ERC1: variants seen among roughly 807,000 people sequenced by gnomAD.
ERC1 encodes the protein ELKS/RAB6-interacting/CAST family member 1, also known as RAB6 interacting protein 2.
Under a neutral mutation model 132.0 loss-of-function variants are expected in ERC1, and 56 were observed. The observed-to-expected ratio is 0.42, with a 90% CI of 0.34 to 0.53. The LOEUF (loss-of-function observed/expected upper bound fraction) is 0.53. ERC1 is among the 20% of genes least tolerant of loss of function. ERC1 has a pLI of 0.03. For missense variants in ERC1, 1,202 were observed against 1,349.9 expected (o/e 0.89, Z 1.72); for synonymous variants, 478 against 476.1 (o/e 1.00, Z -0.05).
At chr12:1,126,423 C>T (rs1342784325) in intron 7 of ERC1, among the ~76,000 whole-genome samples, 1 of 151,954 alleles carries the variant, frequency 6.6e-6, no homozygotes, top group East Asian at 1.9e-4. Context: ...ACTGACATAC[C>T]ATATGGAGAA....
intron 17 of ERC1, among the ~76,000 whole-genome samples, chr12:1,438,954 A>AAAAAATATATATATATAT (rs1015181197): frequency 7.0e-6 from 1 of 143,490 alleles, no homozygotes; most frequent in African/African-American, 2.6e-5. Flanking sequence ...TTTAAAAAAA[A>AAAAAATATATATATATAT]ATATATATAT....
chr12:1,065,518 G>GTGTGTT (rs1938982475), intron 2 of ERC1, among the ~76,000 whole-genome samples: 1 of 144,938 alleles, frequency 6.9e-6, no homozygotes, highest in Non-Finnish European at 1.5e-5. Context: ...GTGTGTGTGT[G>GTGTGTT]TGTTTGTATA....
At chr12:1,106,921 T>A (rs1028402725) in intron 4 of ERC1, among the ~76,000 whole-genome samples, 7 of 152,192 alleles carry the variant, frequency 4.6e-5, no homozygotes, top group African/African-American at 1.4e-4. Flanking sequence ...GAGGATGTGA[T>A]GCTGAAATCA....
chr12:1,104,685 T>G lies in ERC1; in HGVS notation c.1087-65T>G, dbSNP rs1945053537. Reference sequence around the variant, plus strand: ...ATCTTTTGCATACATCGGCTCTCACTCCTCTTTGAAAAAAATGAGGGTGAA... The same window carrying G: ...ATCTTTTGCATACATCGGCTCTCACGCCTCTTTGAAAAAAATGAGGGTGAA... On this transcript the variant is annotated intron_variant, in intron 3 of 18. Transcript: ENST00000360905. 2.6e-6 allele frequency: 3 copies of G among 1,148,944 alleles called. No individual in the cohort carries two copies. In the East Asian group the frequency reaches 7.0e-5, roughly 27 times the overall value. 71.2% of individuals were successfully genotyped at this position (1,148,944 alleles called of 1,614,324 possible). A position where few individuals can be genotyped will look rare whatever the true frequency, so the allele number is the denominator to read the frequency against.
chr12:1,073,098 G>A (rs1467263719), intron 2 of ERC1, among the ~76,000 whole-genome samples: 2 of 152,138 alleles, frequency 1.3e-5, no homozygotes, highest in East Asian at 2.0e-4. Flanking sequence ...TCAAGAGATC[G>A]AGACCATCCT....
rs142977727 is a variant in ERC1, at chr12:1,145,085, C to T, written c.1737+3298C>T. On this transcript the variant is annotated intron_variant, in intron 8 of 18. Transcript: ENST00000360905. Reference sequence around the variant, plus strand: ...AGGCTGGAGTGAAGTGGTGCAATCTCGGCTCACTGCAACCTCCGTCTCCCG... The same window carrying T: ...AGGCTGGAGTGAAGTGGTGCAATCTTGGCTCACTGCAACCTCCGTCTCCCG... Among the ~76,000 whole-genome samples the T allele has an allele frequency of 2.1e-4, 32 of 151,728 alleles. No individual in the cohort carries two copies. The East Asian group carries it at 4.1e-3, about 19-fold the overall frequency.
rs1468852735 is a variant in ERC1 at position 1,458,235 on chromosome 12, G to A, written c.3213+13485G>A. Among the ~76,000 whole-genome samples the A allele has an allele frequency of 2.0e-5, 3 of 152,238 alleles. No individual in the cohort carries two copies. The East Asian group carries it at 5.8e-4, about 29-fold the overall frequency. ...TCAGCTAGCATGAGTGGAAATAGCA[G>A]GCCAGGGCCAAGAAAGTGGCCCACA... On this transcript the variant is annotated intron_variant, in intron 18 of 18. Coordinates refer to ENST00000360905, the MANE Select transcript of ERC1 (RefSeq NM_178040.4).
intron 12 of ERC1, chr12:1,204,566 T>C (rs7977526): frequency 0.33 from 506,172 of 1,524,188 alleles, 91,284 homozygotes; most frequent in African/African-American, 0.66. Flanking sequence ...TGTTTGCGAA[T>C]ATTGTCTTGA....
intron 11 of ERC1, among the ~76,000 whole-genome samples, chr12:1,189,477 C>T (rs1423349460): frequency 6.6e-6 from 1 of 152,126 alleles, no homozygotes; most frequent in Non-Finnish European, 1.5e-5. Context: ...TGCACTGGTC[C>T]GGCTATACGA....
intron 12 of ERC1, among the ~76,000 whole-genome samples, chr12:1,196,838 C>CTCTCTCTCTCTCTCTCTCTG (rs1555299913): frequency 3.0e-5 from 3 of 99,460 alleles, no homozygotes; most frequent in Non-Finnish European, 6.4e-5. Context: ...CTCTGTCTGT[C>CTCTCTCTCTCTCTCTCTCTG]TCTCTGTCTG....
intron 16 of ERC1, among the ~76,000 whole-genome samples, chr12:1,375,529 A>G (rs569975366): frequency 6.6e-6 from 1 of 152,234 alleles, no homozygotes; most frequent in African/African-American, 2.4e-5. Flanking sequence ...GGTCATCCAA[A>G]CATTATGTAA....
intron 7 of ERC1, among the ~76,000 whole-genome samples, chr12:1,135,941 T>C (rs776179514): frequency 2.6e-5 from 4 of 152,242 alleles, no homozygotes; most frequent in Non-Finnish European, 5.9e-5. Context: ...CAGGTCATTA[T>C]CAGGTATTTT....
intron 1 of ERC1, among the ~76,000 whole-genome samples, chr12:1,011,953 A>AT (rs1217915228): frequency 5.3e-5 from 8 of 152,124 alleles, no homozygotes; most frequent in African/African-American, 1.9e-4. Flanking sequence ...AAAAAAAAAA[A>AT]AGCATATCCT....
intron 2 of ERC1, among the ~76,000 whole-genome samples, chr12:1,077,015 G>C (rs190128955): frequency 5.1e-4 from 77 of 152,226 alleles, no homozygotes; most frequent in Non-Finnish European, 9.4e-4. Context: ...GTTGACTTAA[G>C]AATTCTTTAA....
intron 2 of ERC1, among the ~76,000 whole-genome samples, chr12:1,051,544 A>ACC (rs1971995663): frequency 1.8e-3 from 66 of 37,234 alleles, no homozygotes; most frequent in Admixed American, 9.8e-3. Flanking sequence ...AAAAAAAAAA[A>ACC]AAAAAAAAAA....
chr12:1,369,535 G>A (rs1239404880), intron 15 of ERC1, among the ~76,000 whole-genome samples: 1 of 152,204 alleles, frequency 6.6e-6, no homozygotes, highest in African/African-American at 2.4e-5. Flanking sequence ...GCACAGAAAT[G>A]TAGCACCCTT....
intron 1 of ERC1, among the ~76,000 whole-genome samples, chr12:1,019,350 C>G (rs760315696): frequency 6.6e-6 from 1 of 152,176 alleles, no homozygotes; most frequent in Non-Finnish European, 1.5e-5. Context: ...GTCTTGAACT[C>G]CTTAGCTCAA....
At chr12:1,010,556 G>A (rs113455084) in intron 1 of ERC1, among the ~76,000 whole-genome samples, 12,129 of 148,128 alleles carry the variant, frequency 0.082, 668 homozygotes, top group South Asian at 0.18. Flanking sequence ...TGTTGCCCAG[G>A]CTGTAGTGCA....
At chr12:1,365,970 G>A (rs1315632472) in intron 15 of ERC1, among the ~76,000 whole-genome samples, 3 of 152,106 alleles carry the variant, frequency 2.0e-5, no homozygotes, top group African/African-American at 7.2e-5. Context: ...GTCACAAAAA[G>A]ACAAATACTG....
Sources: allele counts gnomAD v4.1 joint callset (sites outside exome capture counted in the v4.1 genomes callset), GRCh38; gene constraint gnomAD v4.1.1; transcripts MANE v1.5; gene names NCBI Gene and HGNC (gene_info 2026-07-23, HGNC 2026-07-21).